The following FMN1 variants were observed in gnomAD, a reference collection of about 807,000 sequenced individuals.
FMN1 encodes formin-1.
Under a neutral mutation model 132.4 loss-of-function variants are expected in FMN1, and 110 were observed. That is an observed-to-expected ratio of 0.83 (90% CI 0.71 to 0.97). FMN1 has a LOEUF of 0.97. Ranked by LOEUF, FMN1 falls within the 50% of genes least tolerant of loss-of-function variation. The pLI is 0.00. For missense variants in FMN1, 1,792 were observed against 1,705.3 expected (o/e 1.05, Z -0.90); for synonymous variants, 722 against 651.7 (o/e 1.11, Z -1.64).
At chr15:33,161,352 G>T (rs1964881451) in intron 3 of FMN1, among the ~76,000 whole-genome samples, 1 of 152,138 alleles carries the variant, frequency 6.6e-6, no homozygotes, top group Admixed American at 6.5e-5. Context: ...ATGGAAGAGG[G>T]CTCGGGACCT....
intron 4 of FMN1, among the ~76,000 whole-genome samples, chr15:33,114,322 T>C (rs540126103): frequency 6.6e-5 from 10 of 152,236 alleles, no homozygotes; most frequent in Non-Finnish European, 1.5e-4. Context: ...AAAGCCTAAC[T>C]TCTGGACAGT....
chr15:33,080,589 C>A (rs2038413643), intron 5 of FMN1, among the ~76,000 whole-genome samples: 2 of 152,102 alleles, frequency 1.3e-5, no homozygotes, highest in South Asian at 4.2e-4. Context: ...TCCATCTCTA[C>A]AAAAATACAA....
At chr15:33,178,412 C>T (rs1333434251) in intron 3 of FMN1, among the ~76,000 whole-genome samples, 1 of 152,184 alleles carries the variant, frequency 6.6e-6, no homozygotes, top group East Asian at 1.9e-4. Flanking sequence ...CTGCCAGTCT[C>T]AATGGTTTAT....
chr15:32,777,817 TTTATATATTATGTATAATATATA>T (rs2056505208), intron 19 of FMN1, among the ~76,000 whole-genome samples: 1 of 96,182 alleles, frequency 1.0e-5, no homozygotes, highest in East Asian at 3.3e-4. Context: ...AATACATTTA[TTTATATATTATGTATAATATATA>T]ATACATTAAT....
chr15:32,955,853 G>A (rs2061755675), intron 9 of FMN1, among the ~76,000 whole-genome samples: 1 of 152,028 alleles, frequency 6.6e-6, no homozygotes, highest in African/African-American at 2.4e-5. Flanking sequence ...CTGTGTGTGT[G>A]GTGAGAAAGG....
chr15:32,786,616 G>A (rs2056886982), intron 19 of FMN1, among the ~76,000 whole-genome samples: 1 of 152,122 alleles, frequency 6.6e-6, no homozygotes, highest in Non-Finnish European at 1.5e-5. Flanking sequence ...TATAGACTTT[G>A]GGGCATCAGG....
chr15:33,012,284 G>C, intron 6 of FMN1: 1 of 743,038 alleles, frequency 1.3e-6, no homozygotes, highest in East Asian at 2.5e-5. Context: ...GTATTCCAGA[G>C]GCTTTGGGTT....
At chr15:33,029,276 A>G (rs2035824049) in intron 6 of FMN1, among the ~76,000 whole-genome samples, 1 of 151,996 alleles carries the variant, frequency 6.6e-6, no homozygotes, top group Non-Finnish European at 1.5e-5. Flanking sequence ...AAAAAAAATC[A>G]CATGGCTGTT....
At chr15:32,901,789 A>C in intron 13 of FMN1, 122 bp downstream of exon 13, 1 of 697,424 alleles carries the variant, frequency 1.4e-6, no homozygotes, top group East Asian at 3.1e-5. Context: ...TCAAATTTAC[A>C]CTTAGAAAAA....
At chr15:32,987,935 C>A (rs991388921) in intron 7 of FMN1, among the ~76,000 whole-genome samples, 2 of 151,896 alleles carry the variant, frequency 1.3e-5, no homozygotes, top group Non-Finnish European at 2.9e-5. Flanking sequence ...GCAACAGTCA[C>A]AGTTTCTCAG....
Position 33,128,832 on chromosome 15 carries a change from C to G in FMN1, c.1867+24216G>C, listed in dbSNP as rs555661158. Among the ~76,000 whole-genome samples, 1,013 of 152,264 alleles carry G rather than the reference C, an allele frequency of 6.7e-3. 4 individuals are homozygous for G. Among genetic ancestry groups the G allele is most frequent in the Non-Finnish European group, 0.011 (768 of 67,990 alleles). ...CACGAGCAAAATAACAAAGCCTCCG[C>G]AATGCGGAAGACAACCGGAGCAGAC... On this transcript the variant is annotated intron_variant, in intron 4 of 20. Coordinates refer to ENST00000616417, the MANE Select transcript of FMN1 (RefSeq NM_001277313.2).
intron 3 of FMN1, among the ~76,000 whole-genome samples, chr15:33,173,495 A>T (rs1595599527): frequency 6.6e-6 from 1 of 152,220 alleles, no homozygotes; most frequent in Non-Finnish European, 1.5e-5. Flanking sequence ...TTCCCTAAGA[A>T]CTCAAAATGG....
intron 5 of FMN1, among the ~76,000 whole-genome samples, chr15:33,070,855 AGTT>A (rs2037970868): frequency 6.6e-6 from 1 of 152,142 alleles, no homozygotes; most frequent in South Asian, 2.1e-4. Flanking sequence ...CCATATTATG[AGTT>A]GTTATTATTA....
At chr15:33,144,028 A>G (rs1187622271) in intron 4 of FMN1, among the ~76,000 whole-genome samples, 1 of 152,234 alleles carries the variant, frequency 6.6e-6, no homozygotes, top group Non-Finnish European at 1.5e-5. Flanking sequence ...AGATGCAGAA[A>G]TTGAGAACAC....
At chr15:32,872,489 G>T (rs540003307) in intron 16 of FMN1, among the ~76,000 whole-genome samples, 1 of 152,220 alleles carries the variant, frequency 6.6e-6, no homozygotes, top group African/African-American at 2.4e-5. Context: ...CTATAGGAAT[G>T]CTTAAATACT....
chr15:32,887,407 A>G (rs976345713), intron 16 of FMN1, among the ~76,000 whole-genome samples: 3 of 152,204 alleles, frequency 2.0e-5, no homozygotes, highest in African/African-American at 7.2e-5. Context: ...TCTCCACAGT[A>G]AAAACACGAG....
intron 12 of FMN1, among the ~76,000 whole-genome samples, chr15:32,902,379 G>A (rs900345372): frequency 2.6e-5 from 4 of 152,066 alleles, no homozygotes; most frequent in Non-Finnish European, 2.9e-5. Flanking sequence ...TTTAACACAC[G>A]AGAAAAATTA....
intron 12 of FMN1, among the ~76,000 whole-genome samples, chr15:32,904,737 G>T (rs567195037): frequency 1.5e-4 from 23 of 152,168 alleles, no homozygotes; most frequent in Non-Finnish European, 2.9e-4. Flanking sequence ...AGAGTTTTAT[G>T]ACCCTTGCCA....
intron 17 of FMN1, among the ~76,000 whole-genome samples, chr15:32,829,022 G>A (rs1178361769): frequency 6.6e-6 from 1 of 152,158 alleles, no homozygotes; most frequent in African/African-American, 2.4e-5. Flanking sequence ...AGACACTGGT[G>A]GATGGCAAGA....
Sources: allele counts gnomAD v4.1 joint callset (sites outside exome capture counted in the v4.1 genomes callset), GRCh38; gene constraint gnomAD v4.1.1; transcripts MANE v1.5; gene names NCBI Gene and HGNC (gene_info 2026-07-23, HGNC 2026-07-21).